UBE2E2: variants seen among roughly 807,000 people sequenced by gnomAD.
UBE2E2 encodes the protein ubiquitin-conjugating enzyme E2 E2.
A neutral mutation model predicts 24.7 loss-of-function variants in UBE2E2; 6 were observed. That is an observed-to-expected ratio of 0.24 (90% CI 0.13 to 0.48). UBE2E2 has a LOEUF of 0.48. UBE2E2 is among the 20% of genes least tolerant of loss of function. The pLI is 0.99. For missense variants in UBE2E2, 169 were observed against 245.0 expected (o/e 0.69, Z 2.07); for synonymous variants, 104 against 83.6 (o/e 1.24, Z -1.33).
At chr3:23,218,244 T>A (rs919125643) in intron 3 of UBE2E2, among the ~76,000 whole-genome samples, 1 of 152,182 alleles carries the variant, frequency 6.6e-6, no homozygotes, top group African/African-American at 2.4e-5. Flanking sequence ...TAATAGGACT[T>A]ACTTTGTGGT....
At chr3:23,486,050 G>A (rs1178372358) in intron 3 of UBE2E2, among the ~76,000 whole-genome samples, 1 of 152,142 alleles carries the variant, frequency 6.6e-6, no homozygotes, top group Non-Finnish European at 1.5e-5. Flanking sequence ...ATGCCTGCTG[G>A]ATTTGTTCCA....
intron 3 of UBE2E2, among the ~76,000 whole-genome samples, chr3:23,254,230 T>A (rs770905987): frequency 6.6e-6 from 1 of 152,226 alleles, no homozygotes; most frequent in Non-Finnish European, 1.5e-5. Flanking sequence ...GAGACTCATT[T>A]TTGCATCTAA....
intron 3 of UBE2E2, among the ~76,000 whole-genome samples, chr3:23,343,963 G>A (rs148938877): frequency 6.6e-6 from 1 of 152,216 alleles, no homozygotes; most frequent in African/African-American, 2.4e-5. Flanking sequence ...GTAGTTCTCA[G>A]TTTGGACTTA....
chr3:23,475,365 T>C (rs754647204), intron 3 of UBE2E2, among the ~76,000 whole-genome samples: 2 of 152,070 alleles, frequency 1.3e-5, no homozygotes, highest in Non-Finnish European at 2.9e-5. Flanking sequence ...ATGGACATGC[T>C]ACAAGTCCTC....
intron 3 of UBE2E2, among the ~76,000 whole-genome samples, chr3:23,383,440 G>A (rs994444761): frequency 1.3e-5 from 2 of 151,176 alleles, no homozygotes; most frequent in South Asian, 4.2e-4. Context: ...AATAGAAGCC[G>A]ATTGACTTTT....
rs898889754 is a variant in UBE2E2, at chr3:23,312,338, C to T, written c.227+95026C>T. Among the ~76,000 whole-genome samples the T allele has an allele frequency of 3.3e-5, 5 of 152,164 alleles. No homozygotes were observed. In the East Asian group the frequency reaches 7.7e-4, roughly 23 times the overall value. On this transcript the variant is annotated intron_variant, in intron 3 of 5. Coordinates refer to ENST00000396703, the MANE Select transcript of UBE2E2 (RefSeq NM_152653.4). ...ATGCAGGTATACAATGCATAATAAT[C>T]ATATCAGGGTAAATGTATTCCTTCC... is the stretch of plus-strand genomic sequence containing the variant.
intron 3 of UBE2E2, among the ~76,000 whole-genome samples, chr3:23,424,439 G>GTT (rs35712816): frequency 0.031 from 4,385 of 143,184 alleles, 103 homozygotes; most frequent in East Asian, 0.13. Context: ...AAACACCTTT[G>GTT]TTTTTTTTTT....
intron 3 of UBE2E2, among the ~76,000 whole-genome samples, chr3:23,330,620 G>A (rs977764564): frequency 6.6e-6 from 1 of 152,190 alleles, no homozygotes; most frequent in South Asian, 2.1e-4. Flanking sequence ...GAGGTGTATG[G>A]AGAGAATTCA....
At chr3:23,425,660 A>G (rs184234151) in intron 3 of UBE2E2, among the ~76,000 whole-genome samples, 12 of 152,260 alleles carry the variant, frequency 7.9e-5, no homozygotes, top group African/African-American at 2.6e-4. Flanking sequence ...CCTGAACTGC[A>G]ATTGATAAAT....
rs1230906557 is a variant in UBE2E2, at chr3:23,560,729, T to C, written c.508+28028T>C. Among the ~76,000 whole-genome samples, 2 of 152,184 alleles carry C rather than the reference T, an allele frequency of 1.3e-5. 1 individual carries two copies. The highest frequency in any genetic ancestry group is 2.9e-5 in the Non-Finnish European group (2 of 68,012). On this transcript the variant is annotated intron_variant, in intron 5 of 5. Coordinates refer to ENST00000396703, the MANE Select transcript of UBE2E2 (RefSeq NM_152653.4). Reference sequence around the variant, plus strand: ...TTCTTCACATCCTCTCCAGCATCTGTTGTTTCCTGACTTTTTAATGATTGC... The same window carrying C: ...TTCTTCACATCCTCTCCAGCATCTGCTGTTTCCTGACTTTTTAATGATTGC...
intron 3 of UBE2E2, among the ~76,000 whole-genome samples, chr3:23,401,799 G>A (rs1697228709): frequency 6.7e-6 from 1 of 149,842 alleles, no homozygotes; most frequent in Admixed American, 6.7e-5. Flanking sequence ...TCCTATCTCA[G>A]CCTCCCGAGT....
chr3:23,233,765 TA>T (rs780841117), intron 3 of UBE2E2, among the ~76,000 whole-genome samples: 1 of 152,188 alleles, frequency 6.6e-6, no homozygotes, highest in Non-Finnish European at 1.5e-5. Context: ...AGTTCTTGAT[TA>T]TCTGCATTAA....
At chr3:23,329,623 G>T (rs1695006849) in intron 3 of UBE2E2, among the ~76,000 whole-genome samples, 1 of 152,240 alleles carries the variant, frequency 6.6e-6, no homozygotes, top group Admixed American at 6.5e-5. Context: ...GGAGCCGGTG[G>T]CTCAGACTGG....
intron 3 of UBE2E2, among the ~76,000 whole-genome samples, chr3:23,445,270 T>C (rs1160317145): frequency 6.6e-6 from 1 of 152,202 alleles, no homozygotes; most frequent in Non-Finnish European, 1.5e-5. Flanking sequence ...AACACACATG[T>C]TGACATGCTC....
intron 3 of UBE2E2, among the ~76,000 whole-genome samples, chr3:23,493,290 G>T (rs992911541): frequency 1.3e-5 from 2 of 152,174 alleles, no homozygotes; most frequent in African/African-American, 4.8e-5. Context: ...AGTAAAGACA[G>T]CGAGAGCCTA....
intron 3 of UBE2E2, among the ~76,000 whole-genome samples, chr3:23,398,111 G>A (rs1291766960): frequency 2.6e-5 from 4 of 151,896 alleles, no homozygotes; most frequent in Admixed American, 6.6e-5. Flanking sequence ...TCAGGAGTTC[G>A]AGACCAGCCT....
chr3:23,512,195 CTT>C (rs5847236), intron 4 of UBE2E2, among the ~76,000 whole-genome samples: 8,928 of 135,872 alleles, frequency 0.066, 955 homozygotes, highest in African/African-American at 0.22. Flanking sequence ...GCCTGCCTGC[CTT>C]TTTTTTTTTT....
At chr3:23,419,624 T>C (rs1697745391) in intron 3 of UBE2E2, among the ~76,000 whole-genome samples, 1 of 152,206 alleles carries the variant, frequency 6.6e-6, no homozygotes, top group Non-Finnish European at 1.5e-5. Flanking sequence ...TCCACTTGCC[T>C]GCCGTGCATA....
chr3:23,255,600 C>T (rs1697700512), intron 3 of UBE2E2, among the ~76,000 whole-genome samples: 1 of 152,032 alleles, frequency 6.6e-6, no homozygotes, highest in Non-Finnish European at 1.5e-5. Flanking sequence ...AGGGCATTTC[C>T]AGATAATTGA....
Sources: gnomAD v4.1 joint callset for allele counts (sites outside exome capture counted in the v4.1 genomes callset) on GRCh38, gnomAD v4.1.1 for gene constraint, MANE v1.5 for transcripts, NCBI Gene and HGNC (gene_info 2026-07-23, HGNC 2026-07-21) for gene names.